The following ZNF215 variants were observed in gnomAD, a reference collection of about 807,000 sequenced individuals.
The protein encoded by ZNF215 is BWSCR2-associated zinc finger protein 2.
ZNF215 carries 24 observed loss-of-function variants against 27.2 expected under a neutral mutation model. The observed-to-expected ratio is 0.88, with a 90% CI of 0.64 to 1.24. ZNF215 has a LOEUF of 1.24. Among genes scored for constraint, ZNF215 ranks in the 50% most tolerant of loss-of-function variants. ZNF215 has a pLI of 0.00. For synonymous variants in ZNF215, 210 were observed against 204.0 expected (o/e 1.03, Z -0.25); for missense variants, 675 against 605.7 (o/e 1.11, Z -1.20).
intron 2 of ZNF215, among the ~76,000 whole-genome samples, chr11:6,931,511 C>A (rs535441533): frequency 6.6e-6 from 1 of 152,028 alleles, no homozygotes; most frequent in Admixed American, 6.5e-5. Context: ...CCTAAGACAT[C>A]CCTGGTGGGC....
chr11:6,938,247 G>T (rs968556036), intron 3 of ZNF215, among the ~76,000 whole-genome samples: 2 of 151,906 alleles, frequency 1.3e-5, no homozygotes, highest in African/African-American at 2.4e-5. Context: ...AAATGTTCAG[G>T]ATCATTAGTC....
rs1167123148 is a variant in ZNF215, at chr11:6,941,641, A to G, written c.471A>G (p.Thr157=). Residue 157 remains threonine, a synonymous_variant, in exon 4 of 7, where the codon ACA becomes ACG. Coordinates refer to ENST00000278319, the MANE Select transcript of ZNF215 (RefSeq NM_013250.4). The part of the protein sequence containing the change: ...IKEKMKAGSR[T]GKPQEPVTFK... ...AGAAAATGAAAGCTGGCTCACGAAC[A>G]GGCAAACCACAGGTGAATTAGGATT... 11 of 1,613,928 alleles carry G rather than the reference A, an allele frequency of 6.8e-6. No individual in the cohort carries two copies. Among genetic ancestry groups the G allele is most frequent in the East Asian group, 6.7e-5 (3 of 44,876 alleles).
rs1849291082 is a variant in ZNF215 at position 6,932,314 on chromosome 11, A to C, written c.42A>C (p.Arg14=). Residue 14 remains arginine (R), a synonymous_variant, in exon 3 of 7, where the codon CGA becomes CGC. Transcript: ENST00000278319. ...AGTTGATGGCTATCTCAAAACCTCG[A>C]AACCTGTCTCTACGTGAACAAAGAG... is the stretch of plus-strand genomic sequence containing the variant. The part of the protein sequence containing the change: ...LSKLMAISKP[R]NLSLREQREV... 6.2e-7 allele frequency: 1 copy of C among 1,614,032 alleles called. No homozygotes were observed. The highest frequency in any genetic ancestry group is 1.1e-5 in the South Asian group (1 of 91,078).
chr11:6,941,902 T>C (rs1382494815), intron 4 of ZNF215, among the ~76,000 whole-genome samples: 1 of 152,174 alleles, frequency 6.6e-6, no homozygotes, highest in Non-Finnish European at 1.5e-5. Context: ...TAGAGCCTAC[T>C]CAGAAAATGT....
At chr11:6,970,322 C>T (rs1375161922) in intron 5 of ZNF215, among the ~76,000 whole-genome samples, 1 of 152,124 alleles carries the variant, frequency 6.6e-6, no homozygotes, top group African/African-American at 2.4e-5. Flanking sequence ...AGATGACAAG[C>T]AACTTAAGAG....
chr11:6,939,672 T>C (rs1365730644), intron 3 of ZNF215, among the ~76,000 whole-genome samples: 2 of 152,150 alleles, frequency 1.3e-5, no homozygotes, highest in African/African-American at 4.8e-5. Context: ...ATATAGATTT[T>C]TCTTTGAATG....
chr11:6,943,707 G>A (rs1371673186), intron 6 of ZNF215, 66 bp downstream of exon 6: 5 of 1,233,734 alleles, frequency 4.1e-6, no homozygotes, highest in East Asian at 4.7e-5. Flanking sequence ...CAGACAATGT[G>A]CAACCCAATC....
intron 6 of ZNF215, among the ~76,000 whole-genome samples, chr11:6,949,481 G>C (rs1170330477): frequency 6.6e-6 from 1 of 152,160 alleles, no homozygotes; most frequent in Non-Finnish European, 1.5e-5. Flanking sequence ...GTTTTGAGTT[G>C]CATTTCTCTG....
chr11:6,970,353 G>A (rs1359227618), intron 5 of ZNF215, among the ~76,000 whole-genome samples: 1 of 152,152 alleles, frequency 6.6e-6, no homozygotes, highest in Non-Finnish European at 1.5e-5. Context: ...CAAGTCCAAT[G>A]TTTTGCCCTT....
chr11:6,930,201 C>T (rs1849205085), intron 2 of ZNF215, among the ~76,000 whole-genome samples: 1 of 151,884 alleles, frequency 6.6e-6, no homozygotes, highest in African/African-American at 2.4e-5. Context: ...AACCATTTCT[C>T]CAAGAAATCC....
intron 5 of ZNF215, among the ~76,000 whole-genome samples, chr11:6,980,313 G>A (rs1850921938): frequency 6.6e-6 from 1 of 151,820 alleles, no homozygotes; most frequent in Non-Finnish European, 1.5e-5. Context: ...TTTAGAACAG[G>A]TTTAGATGTA....
chr11:6,943,465 T>C lies in ZNF215; in HGVS notation c.617-81T>C, dbSNP rs1849699037. ...AGCAGCTTGGATTACTGTGTCGGGA[T>C]AGAATTATCTTCTCTATAAAAATGT... On this transcript the variant is annotated intron_variant, in intron 5 of 6. Coordinates refer to ENST00000278319, the MANE Select transcript of ZNF215 (RefSeq NM_013250.4). 5.9e-6 allele frequency: 8 copies of C among 1,345,902 alleles called. No homozygotes were observed. In the South Asian group the frequency reaches 1.0e-4, roughly 17 times the overall value. The allele number at this position is 1,345,902 out of a possible 1,614,324, so 83.4% of individuals were successfully genotyped here. A position where few individuals can be genotyped will look rare whatever the true frequency, so the allele number is the denominator to read the frequency against.
intron 2 of ZNF215, among the ~76,000 whole-genome samples, chr11:6,931,041 C>T (rs1849240390): frequency 6.6e-6 from 1 of 152,232 alleles, no homozygotes; most frequent in Admixed American, 6.5e-5. Flanking sequence ...CAATCTCTAG[C>T]TGTAACAGTC....
At chr11:6,967,381 A>G (rs1351892764) in intron 5 of ZNF215, among the ~76,000 whole-genome samples, 2 of 152,184 alleles carry the variant, frequency 1.3e-5, no homozygotes, top group Non-Finnish European at 1.5e-5. Flanking sequence ...GAATCTCCAC[A>G]CTGTCTTCCA....
chr11:6,983,710 A>T (rs1464232560), intron 5 of ZNF215, among the ~76,000 whole-genome samples: 1 of 152,178 alleles, frequency 6.6e-6, no homozygotes, highest in African/African-American at 2.4e-5. Context: ...TAAAGTTTGT[A>T]TATATTAGAA....
chr11:6,941,725 T>A (rs537710299), intron 4 of ZNF215, 72 bp downstream of exon 4: 2 of 1,514,632 alleles, frequency 1.3e-6, no homozygotes, highest in South Asian at 2.3e-5. Context: ...AATTTTTTGA[T>A]CTTTGAACTT....
intron 5 of ZNF215, among the ~76,000 whole-genome samples, chr11:6,970,018 G>T (rs1189959340): frequency 6.6e-6 from 1 of 152,126 alleles, no homozygotes. Flanking sequence ...ATGACCTTAA[G>T]TGACCCGCCT....
chr11:6,973,906 C>G (rs1412842894), intron 5 of ZNF215, among the ~76,000 whole-genome samples: 1 of 152,088 alleles, frequency 6.6e-6, no homozygotes, highest in Non-Finnish European at 1.5e-5. Flanking sequence ...AAATTAGATC[C>G]CATTTGTCAA....
intron 3 of ZNF215, among the ~76,000 whole-genome samples, chr11:6,935,654 GA>G (rs1330050439): frequency 6.6e-6 from 1 of 151,726 alleles, no homozygotes; most frequent in Admixed American, 6.6e-5. Context: ...AGAAATACTA[GA>G]AAAAAAGATT....
Sources: allele counts gnomAD v4.1 joint callset (sites outside exome capture counted in the v4.1 genomes callset), GRCh38; gene constraint gnomAD v4.1.1; transcripts MANE v1.5; gene names NCBI Gene and HGNC (gene_info 2026-07-23, HGNC 2026-07-21).